The following B4GALT3 variants were observed in gnomAD, a reference collection of about 807,000 sequenced individuals.
B4GALT3 encodes beta-1,4-galactosyltransferase 3.
A neutral mutation model predicts 40.7 loss-of-function variants in B4GALT3; 29 were observed. That is an observed-to-expected ratio of 0.71 (90% CI 0.53 to 0.97). B4GALT3 has a LOEUF of 0.97. Ranked by LOEUF, B4GALT3 falls within the 50% of genes least tolerant of loss-of-function variation. B4GALT3 has a pLI of 0.00. For missense variants in B4GALT3, 390 were observed against 522.3 expected (o/e 0.75, Z 2.47); for synonymous variants, 182 against 203.9 (o/e 0.89, Z 0.92).
Position 161,171,643 on chromosome 1 carries a change from A to C in B4GALT3, c.*173T>G. On this transcript the variant is annotated 3_prime_UTR_variant, in exon 8 of 8. Coordinates refer to ENST00000319769, the MANE Select transcript of B4GALT3 (RefSeq NM_003779.4). The stretch of plus-strand genomic sequence containing the variant: ...GAGACCCTAGAGAGAGGGACCCCTC[A>C]GGTCTACAGGAGCCCAGCTCCAGTC... The C allele has an allele frequency of 1.2e-6, 1 of 852,582 alleles. No homozygotes were observed. Among genetic ancestry groups the C allele is most frequent in the Admixed American group, 2.8e-5 (1 of 35,172 alleles). The allele number at this position is 852,582 out of a possible 1,614,324, so 52.8% of individuals were successfully genotyped here. A position where few individuals can be genotyped will look rare whatever the true frequency, so the allele number is the denominator to read the frequency against.
chr1:161,172,961 G>C (rs745977203), intron 6 of B4GALT3, among the ~76,000 whole-genome samples: 10 of 151,952 alleles, frequency 6.6e-5, no homozygotes, highest in Non-Finnish European at 1.5e-4. Context: ...CTGACACACA[G>C]AAGCATGGAG....
At chr1:161,177,593 G>A (rs1664099624), upstream of B4GALT3, 1 of 158,938 alleles carries the variant, frequency 6.3e-6, no homozygotes, top group Admixed American at 6.1e-5. Flanking sequence ...GCGTGGCCGG[G>A]GGCTTGTGAG....
Position 161,171,765 on chromosome 1 carries a change from A to G in B4GALT3, c.*51T>C. ...CAGTGAGGAGCTGAGGGTGGGGAGA[A>G]TACAACCCCATGAATTCGGTTTCAT... On this transcript the variant is annotated 3_prime_UTR_variant, in exon 8 of 8. Coordinates refer to ENST00000319769, the MANE Select transcript of B4GALT3 (RefSeq NM_003779.4). The G allele has an allele frequency of 6.3e-7, 1 of 1,598,898 alleles. No homozygotes were observed. Among genetic ancestry groups the G allele is most frequent in the Non-Finnish European group, 8.5e-7 (1 of 1,169,666 alleles).
intron 1 of B4GALT3, chr1:161,177,130 G>C: frequency 6.7e-7 from 1 of 1,487,556 alleles, no homozygotes; most frequent in South Asian, 1.2e-5. Context: ...GAGAGGGAGA[G>C]CAGGGGCAGA....
In B4GALT3 at chr1:161,177,449, G is replaced by C. The variant is rs959080733; in HGVS notation, c.-187C>G. On this transcript the variant is annotated 5_prime_UTR_variant, in exon 1 of 8. Transcript: ENST00000319769. Reference sequence around the variant, plus strand: ...TGGTCTTTTGCTGCCTGTCGTCACCGCCACCCCAACAGCCGGGCAGGCATC... The same window carrying C: ...TGGTCTTTTGCTGCCTGTCGTCACCCCCACCCCAACAGCCGGGCAGGCATC... 15 of 173,052 alleles carry C rather than the reference G, an allele frequency of 8.7e-5. No individual in the cohort carries two copies. The highest frequency in any genetic ancestry group is 1.8e-4 in the Admixed American group (3 of 16,432). The allele number at this position is 173,052 out of a possible 1,614,324, so 10.7% of individuals were successfully genotyped here.
chr1:161,172,886 CGAAA>C (rs1270772566), intron 6 of B4GALT3, among the ~76,000 whole-genome samples: 4 of 144,454 alleles, frequency 2.8e-5, no homozygotes, highest in Non-Finnish European at 6.0e-5. Flanking sequence ...AAAAAAAAAA[CGAAA>C]GAAAGAAAAG....
chr1:161,172,250 C>T lies in B4GALT3; in HGVS notation c.885G>A (p.Lys295=). ...ACCTGTGGGGATTTTCCTCATTGCC[C>T]TTATCTCCTCGGTGCTTCACCATCT... The part of the protein sequence containing the change: ...HYKMVKHRGD[K]GNEENPHRFD... The change falls in exon 7 of 8, where the codon AAG becomes AAA. Residue 295 remains lysine, a synonymous_variant. Coordinates refer to ENST00000319769, the MANE Select transcript of B4GALT3 (RefSeq NM_003779.4). The T allele has an allele frequency of 6.2e-7, 1 of 1,614,092 alleles. No individual in the cohort carries two copies. Among genetic ancestry groups the T allele is most frequent in the South Asian group, 1.1e-5 (1 of 91,076 alleles).
At chr1:161,174,424 A>G (rs1338326857) in intron 4 of B4GALT3, among the ~76,000 whole-genome samples, 1 of 152,046 alleles carries the variant, frequency 6.6e-6, no homozygotes, top group Non-Finnish European at 1.5e-5. Context: ...AAAAGAAAAA[A>G]AAGAATAAAA....
rs531208252 is a variant in B4GALT3, at chr1:161,177,470, G to C, written c.-208C>G. ...CACCGCCACCCCAACAGCCGGGCAG[G>C]CATCGCTGCCGCCATCTTGGAAGCG... On this transcript the variant is annotated 5_prime_UTR_variant, in exon 1 of 8. Transcript: ENST00000319769. The C allele has an allele frequency of 1.2e-5, 2 of 172,916 alleles. No homozygotes were observed. The highest frequency in any genetic ancestry group is 2.3e-4 in the South Asian group (2 of 8,544). The allele number at this position is 172,916 out of a possible 1,614,324, so 10.7% of individuals were successfully genotyped here.
Position 161,172,317 on chromosome 1 carries a change from C to T in B4GALT3, c.818G>A (p.Gly273Glu). The stretch of plus-strand genomic sequence containing the variant: ...TGTGGGGGGCCGAGAGATCTTCATC[C>T]CAGCCAGGCGCACCCTATGGGAAAA... ...DDIATRVRLAGMKISRPPTSV... is the reference protein window; with the variant it reads ...DDIATRVRLAEMKISRPPTSV... Residue 273 changes from glycine (G) to glutamate (E), a missense_variant, in exon 7 of 8, where the codon GGG becomes GAG. Gly to Glu is a moderately conservative substitution (Grantham distance 98). Transcript: ENST00000319769. 6.2e-7 allele frequency: 1 copy of T among 1,613,914 alleles called. No homozygotes were observed. The highest frequency in any genetic ancestry group is 8.5e-7 in the Non-Finnish European group (1 of 1,179,970).
rs1663063902 is a variant in B4GALT3 at position 161,175,239 on chromosome 1, G to A, written c.254-11C>T. On this transcript the variant is annotated splice_polypyrimidine_tract_variant and intron_variant, in intron 3 of 7. Transcript: ENST00000319769. ...CCGACACAGGACCCACTGTTGGGAA[G>A]GAATGGCAAGTAGAGGGATCAGAGG... 3 of 1,608,594 alleles carry A rather than the reference G, an allele frequency of 1.9e-6. No individual in the cohort carries two copies. The highest frequency in any genetic ancestry group is 2.6e-6 in the Non-Finnish European group (3 of 1,176,280).
At position 161,175,135 on chromosome 1, in the gene B4GALT3, G is replaced by A; in HGVS notation, c.347C>T (p.Pro116Leu). The A allele has an allele frequency of 6.2e-7, 1 of 1,614,086 alleles. No homozygotes were observed. The highest frequency in any genetic ancestry group is 8.5e-7 in the Non-Finnish European group (1 of 1,179,966). ...TCGGGAGCGGGGCTCACAACCTGCA[G>A]GGCGGTACCGGCCCCCTGGTTCTAC... ...PRVEPGGRYR[P>L]AGCEPRSRTA... Residue 116 changes from proline to leucine, a missense_variant, in exon 4 of 8, where the codon CCT becomes CTT. This residue lies in a region of B4GALT3 where 183 missense variants were observed against 223.2 expected (regional missense o/e 0.82). Coordinates refer to ENST00000319769, the MANE Select transcript of B4GALT3 (RefSeq NM_003779.4).
intron 6 of B4GALT3, among the ~76,000 whole-genome samples, chr1:161,173,205 C>G (rs1662122543): frequency 6.6e-6 from 1 of 152,216 alleles, no homozygotes; most frequent in South Asian, 2.1e-4. Flanking sequence ...TGAGTTGGCC[C>G]TGTGCCAATG....
intron 3 of B4GALT3, 83 bp from the exon 4 acceptor site, chr1:161,175,311 C>T (rs1350250369): frequency 1.6e-6 from 2 of 1,219,388 alleles, no homozygotes; most frequent in East Asian, 4.9e-5. Context: ...ACCTCTGACA[C>T]TGGCAGTCTG....
intron 6 of B4GALT3, 96 bp downstream of exon 6, chr1:161,173,509 C>T (rs922188192): frequency 6.4e-7 from 1 of 1,565,164 alleles, no homozygotes; most frequent in African/African-American, 1.4e-5. Flanking sequence ...GACCAGGGAG[C>T]TAAAGGTTAG....
chr1:161,176,217 C>T, intron 2 of B4GALT3, 143 bp from the exon 3 acceptor site: 4 of 899,640 alleles, frequency 4.4e-6, no homozygotes, highest in Non-Finnish European at 6.6e-6. Context: ...CACAGGTGCA[C>T]AGTCACGCAA....
At chr1:161,174,933 C>T (rs1662919015) in intron 4 of B4GALT3, 60 bp downstream of exon 4, 1 of 1,532,652 alleles carries the variant, frequency 6.5e-7, no homozygotes, top group Non-Finnish European at 9.0e-7. Flanking sequence ...AGTGAAGTGG[C>T]ATGTGCTTGA....
Position 161,171,656 on chromosome 1 carries a change from C to A in B4GALT3, c.*160G>T. On this transcript the variant is annotated 3_prime_UTR_variant, in exon 8 of 8. Transcript: ENST00000319769. ...GAGGGACCCCTCAGGTCTACAGGAG[C>A]CCAGCTCCAGTCCAGCAGTGAGGGA... 4 of 1,030,424 alleles carry A rather than the reference C, an allele frequency of 3.9e-6. No individual in the cohort carries two copies. The highest frequency in any genetic ancestry group is 5.6e-6 in the Non-Finnish European group (4 of 720,296). The allele number at this position is 1,030,424 out of a possible 1,614,324, so 63.8% of individuals were successfully genotyped here.
At chr1:161,176,751 T>C (rs1479647617) in intron 1 of B4GALT3, 172 bp from the exon 2 acceptor site, 2 of 924,364 alleles carry the variant, frequency 2.2e-6, no homozygotes, top group Non-Finnish European at 3.3e-6. Context: ...GAATGATAAG[T>C]GTCAGGTTCA....
Sources: gnomAD v4.1 joint callset for allele counts (sites outside exome capture counted in the v4.1 genomes callset) on GRCh38, gnomAD v4.1.1 for gene constraint, gnomAD v4.1.1 regional missense constraint, MANE v1.5 for transcripts, NCBI Gene and HGNC (gene_info 2026-07-23, HGNC 2026-07-21) for gene names.